The following ASTN2 variants were observed in gnomAD, a reference collection of about 807,000 sequenced individuals.
ASTN2 encodes the protein astrotactin-2.
Under a neutral mutation model 139.8 loss-of-function variants are expected in ASTN2, and 54 were observed. That is an observed-to-expected ratio of 0.39 (90% CI 0.31 to 0.48). The LOEUF (loss-of-function observed/expected upper bound fraction) is 0.48, where lower values mean the gene tolerates loss of function less well. Ranked by LOEUF, ASTN2 falls within the 20% of genes least tolerant of loss-of-function variation. The probability of loss-of-function intolerance (pLI) is 0.95; values close to 1 mark genes in which losing one functional copy is unlikely to be tolerated. For synonymous variants in ASTN2, 756 were observed against 719.5 expected (o/e 1.05, Z -0.81); for missense variants, 1,565 against 1,725.1 (o/e 0.91, Z 1.64).
At chr9:117,314,237 A>G (rs929320647) in intron 1 of ASTN2, among the ~76,000 whole-genome samples, 15 of 149,224 alleles carry the variant, frequency 1.0e-4, no homozygotes, top group Admixed American at 4.7e-4. Context: ...CACCCCCACC[A>G]TGAATGTTTG....
At chr9:116,734,435 G>A (rs1470838251) in intron 13 of ASTN2, among the ~76,000 whole-genome samples, 1 of 152,058 alleles carries the variant, frequency 6.6e-6, no homozygotes, top group African/African-American at 2.4e-5. Flanking sequence ...TGTTACTGAG[G>A]GTGTGCAAGC....
At chr9:116,885,511 CA>C (rs1411789902) in intron 10 of ASTN2, among the ~76,000 whole-genome samples, 1 of 152,002 alleles carries the variant, frequency 6.6e-6, no homozygotes, top group Non-Finnish European at 1.5e-5. Context: ...ACTAAAAATA[CA>C]AAAATTAGCC....
intron 1 of ASTN2, among the ~76,000 whole-genome samples, chr9:117,393,880 G>A (rs1394746195): frequency 6.6e-6 from 1 of 152,092 alleles, no homozygotes; most frequent in Admixed American, 6.5e-5. Flanking sequence ...GGAGGAGGAG[G>A]AGATGGGAAG....
intron 10 of ASTN2, among the ~76,000 whole-genome samples, chr9:116,866,595 G>A (rs1030132472): frequency 6.6e-6 from 1 of 152,094 alleles, no homozygotes; most frequent in Admixed American, 6.5e-5. Flanking sequence ...GAAACAGAAA[G>A]TAAGAGGAGG....
At chr9:116,947,388 G>A (rs544017455) in intron 10 of ASTN2, among the ~76,000 whole-genome samples, 29 of 152,272 alleles carry the variant, frequency 1.9e-4, no homozygotes, top group African/African-American at 6.7e-4. Flanking sequence ...GCTTCCCAAA[G>A]GGATTGCATT....
chr9:117,230,618 G>A (rs2133055541), intron 2 of ASTN2, among the ~76,000 whole-genome samples: 1 of 152,258 alleles, frequency 6.6e-6, no homozygotes, highest in African/African-American at 2.4e-5. Flanking sequence ...ACTGAGGAAG[G>A]ATATCTAGGT....
intron 13 of ASTN2, among the ~76,000 whole-genome samples, chr9:116,797,058 C>G (rs1325889076): frequency 6.6e-6 from 1 of 151,818 alleles, no homozygotes; most frequent in Non-Finnish European, 1.5e-5. Flanking sequence ...TGGCCTCAAG[C>G]AATCTTCCCA....
chr9:116,820,920 C>T (rs1831467995), intron 11 of ASTN2, 137 bp from the exon 12 acceptor site: 1 of 933,526 alleles, frequency 1.1e-6, no homozygotes, highest in Admixed American at 3.4e-5. Context: ...CAGTTAATAA[C>T]TTTGTGACAA....
chr9:117,096,842 A>T (rs1220567317), intron 4 of ASTN2, among the ~76,000 whole-genome samples: 1 of 152,206 alleles, frequency 6.6e-6, no homozygotes, highest in African/African-American at 2.4e-5. Flanking sequence ...GCCTGCACTG[A>T]TAGAAAAAGG....
chr9:117,093,782 G>T (rs561006131), intron 5 of ASTN2, among the ~76,000 whole-genome samples: 1 of 152,302 alleles, frequency 6.6e-6, no homozygotes, highest in Non-Finnish European at 1.5e-5. Flanking sequence ...AGCAGCTGCG[G>T]CAGCAACAAC....
intron 6 of ASTN2, among the ~76,000 whole-genome samples, chr9:117,037,506 C>G (rs941598767): frequency 6.6e-6 from 1 of 152,146 alleles, no homozygotes. Flanking sequence ...GGGGAATTCA[C>G]TTGGCTATCG....
chr9:116,670,426 G>A (rs1046415749), intron 16 of ASTN2, among the ~76,000 whole-genome samples: 2 of 152,170 alleles, frequency 1.3e-5, no homozygotes, highest in African/African-American at 4.8e-5. Flanking sequence ...CAAGTGCTGG[G>A]ATTACAGGCA....
At chr9:116,634,989 A>G (rs1365014316) in intron 17 of ASTN2, among the ~76,000 whole-genome samples, 1 of 152,208 alleles carries the variant, frequency 6.6e-6, no homozygotes, top group African/African-American at 2.4e-5. Flanking sequence ...AGCAAGAGGA[A>G]GCTACAACTA....
intron 19 of ASTN2, among the ~76,000 whole-genome samples, chr9:116,511,013 G>T (rs1369149511): frequency 6.6e-6 from 1 of 152,008 alleles, no homozygotes; most frequent in East Asian, 1.9e-4. Flanking sequence ...CTGCCTGATT[G>T]CCCTGGCCAG....
intron 1 of ASTN2, among the ~76,000 whole-genome samples, chr9:117,363,997 G>A (rs1418916709): frequency 1.3e-5 from 2 of 152,136 alleles, no homozygotes; most frequent in Non-Finnish European, 2.9e-5. Flanking sequence ...TCCATTAGTA[G>A]CATGATAGTT....
chr9:116,817,833 A>G (rs570845994), intron 12 of ASTN2, among the ~76,000 whole-genome samples: 7 of 152,208 alleles, frequency 4.6e-5, no homozygotes, highest in African/African-American at 1.4e-4. Context: ...AATCTTCACA[A>G]TGGTGCTACA....
At chr9:117,090,664 G>A (rs1828683676) in intron 5 of ASTN2, among the ~76,000 whole-genome samples, 1 of 152,252 alleles carries the variant, frequency 6.6e-6, no homozygotes, top group East Asian at 1.9e-4. Flanking sequence ...CCTTCCACTG[G>A]GTGCTTACTC....
chr9:117,253,473 G>A (rs977649434), intron 2 of ASTN2, among the ~76,000 whole-genome samples: 5 of 152,148 alleles, frequency 3.3e-5, no homozygotes, highest in Non-Finnish European at 5.9e-5. Flanking sequence ...GATAAAAAAC[G>A]AGCTGGTATG....
chr9:117,216,662 G>C (rs1038166368), intron 2 of ASTN2, among the ~76,000 whole-genome samples: 2 of 152,140 alleles, frequency 1.3e-5, no homozygotes, highest in African/African-American at 4.8e-5. Context: ...ACATATGATA[G>C]TGATTGCTTT....
Sources: allele counts gnomAD v4.1 joint callset (sites outside exome capture counted in the v4.1 genomes callset), GRCh38; gene constraint gnomAD v4.1.1; transcripts MANE v1.5; gene names NCBI Gene and HGNC (gene_info 2026-07-23, HGNC 2026-07-21).